CARNMT1: variants seen among roughly 807,000 people sequenced by gnomAD.
The protein encoded by CARNMT1 is protein-L-histidine N-pros-methyltransferase CARNMT1.
Under a neutral mutation model 49.6 loss-of-function variants are expected in CARNMT1, and 28 were observed. The ratio of observed to expected loss-of-function variants is 0.56; its 90% CI spans 0.42 to 0.77. The LOEUF is 0.77. Ranked by LOEUF, CARNMT1 falls within the 30% of genes least tolerant of loss-of-function variation. The pLI is 0.00. For missense variants in CARNMT1, 421 were observed against 512.6 expected (o/e 0.82, Z 1.73); for synonymous variants, 178 against 175.0 (o/e 1.02, Z -0.13).
At chr9:75,014,859 A>C (rs1422587234) in intron 3 of CARNMT1, among the ~76,000 whole-genome samples, 1 of 151,828 alleles carries the variant, frequency 6.6e-6, no homozygotes, top group Non-Finnish European at 1.5e-5. Context: ...AATAAATAAT[A>C]ATCAATAAAA....
chr9:75,007,091 C>G (rs992670810), intron 3 of CARNMT1, among the ~76,000 whole-genome samples: 14 of 152,238 alleles, frequency 9.2e-5, no homozygotes, highest in Non-Finnish European at 1.8e-4. Context: ...TCAATTAAAA[C>G]CTACAGATAT....
At chr9:75,005,498 G>A (rs555057433) in intron 3 of CARNMT1, among the ~76,000 whole-genome samples, 23 of 144,806 alleles carry the variant, frequency 1.6e-4, no homozygotes, top group South Asian at 2.2e-4. Flanking sequence ...TTTTTGAGAC[G>A]GAGTCTCGCT....
At chr9:75,018,200 TAC>T (rs768462115) in intron 1 of CARNMT1, among the ~76,000 whole-genome samples, 50 of 152,092 alleles carry the variant, frequency 3.3e-4, no homozygotes, top group Non-Finnish European at 6.3e-4. Context: ...TAACTGGGAC[TAC>T]AGTCATGTGC....
At chr9:75,002,085 A>T (rs1293688610) in intron 3 of CARNMT1, among the ~76,000 whole-genome samples, 1 of 152,066 alleles carries the variant, frequency 6.6e-6, no homozygotes, top group Admixed American at 6.6e-5. Context: ...TAATAACAGG[A>T]GGAAAAGTTT....
Position 75,028,048 on chromosome 9 carries a change from TGCTCACGC to T in CARNMT1, c.186_193del (p.Arg63LeufsTer6). On this transcript the variant is annotated frameshift_variant, in exon 1 of 8. Coordinates refer to ENST00000376834, the MANE Select transcript of CARNMT1 (RefSeq NM_152420.3). LOFTEE classifies it high-confidence loss of function. ...GAAGGCATTAATGATCTTCCAGAAGTGCTCACGCTCAAGCCTCTCCTCCTCCTCCTCGG... is the reference window on the plus strand; with the variant it reads ...GAAGGCATTAATGATCTTCCAGAAGTTCAAGCCTCTCCTCCTCCTCCTCGG... 1 of 1,578,354 alleles carries T rather than the reference TGCTCACGC, an allele frequency of 6.3e-7. No individual in the cohort carries two copies. The highest frequency in any genetic ancestry group is 8.6e-7 in the Non-Finnish European group (1 of 1,164,788).
chr9:75,003,387 C>T (rs1833417864), intron 3 of CARNMT1, among the ~76,000 whole-genome samples: 1 of 152,256 alleles, frequency 6.6e-6, no homozygotes, highest in African/African-American at 2.4e-5. Flanking sequence ...GCTTGCAGGC[C>T]AGTCACCTGT....
chr9:75,017,934 T>C (rs902713143), intron 1 of CARNMT1, among the ~76,000 whole-genome samples: 4 of 152,052 alleles, frequency 2.6e-5, no homozygotes, highest in African/African-American at 4.8e-5. Context: ...AAATAAAAAA[T>C]TAAAATTCTA....
chr9:74,984,443 TA>T (rs1159910806), intron 7 of CARNMT1, among the ~76,000 whole-genome samples: 2 of 152,128 alleles, frequency 1.3e-5, no homozygotes, highest in African/African-American at 4.8e-5. Context: ...CCCAAATCCT[TA>T]TAATTCTGAA....
At chr9:74,994,204 G>A (rs1833120216) in intron 6 of CARNMT1, among the ~76,000 whole-genome samples, 1 of 152,184 alleles carries the variant, frequency 6.6e-6, no homozygotes, top group Non-Finnish European at 1.5e-5. Context: ...CAAATCAAAG[G>A]AAGAGCCCTC....
rs12555086 is a variant in CARNMT1, at chr9:75,003,400, T to C, written c.591-3530A>G. On this transcript the variant is annotated intron_variant, in intron 3 of 7. Coordinates refer to ENST00000376834, the MANE Select transcript of CARNMT1 (RefSeq NM_152420.3). ...TGGCTTGCAGGCCAGTCACCTGTCA[T>C]TGTAAATGAAGTTTTACTAAAACGC... Among the ~76,000 whole-genome samples, 631 of 152,398 alleles carry C rather than the reference T, an allele frequency of 4.1e-3. 25 individuals are homozygous for C. Among genetic ancestry groups the C allele is most frequent in the Admixed American group, 0.037 (572 of 15,314 alleles).
intron 1 of CARNMT1, among the ~76,000 whole-genome samples, chr9:75,019,503 C>T (rs550577018): frequency 1.3e-5 from 2 of 152,152 alleles, no homozygotes; most frequent in African/African-American, 4.8e-5. Flanking sequence ...TAACTGAGAG[C>T]CTGATAACAT....
At chr9:75,019,491 A>T (rs1163499865) in intron 1 of CARNMT1, among the ~76,000 whole-genome samples, 1 of 152,128 alleles carries the variant, frequency 6.6e-6, no homozygotes, top group Non-Finnish European at 1.5e-5. Context: ...TCCAGGAGAG[A>T]TTAACTGAGA....
chr9:74,983,984 C>A (rs1157171935), intron 7 of CARNMT1, 116 bp from the exon 8 acceptor site: 2 of 549,284 alleles, frequency 3.6e-6, no homozygotes, highest in South Asian at 3.6e-5. Context: ...TCATTTATTA[C>A]ATACAACTAC....
intron 3 of CARNMT1, among the ~76,000 whole-genome samples, chr9:75,013,120 C>T (rs1833750530): frequency 6.6e-6 from 1 of 152,060 alleles, no homozygotes; most frequent in South Asian, 2.1e-4. Context: ...TATACAGGCC[C>T]TATAATTGCA....
chr9:75,010,119 CTTTTTTTTTTTTT>C (rs1187457398), intron 3 of CARNMT1: 49 of 82,276 alleles, frequency 6.0e-4, no homozygotes, highest in African/African-American at 2.0e-3. Flanking sequence ...GGAAGAAATT[CTTTTTTTTTTTTT>C]TTTTTTTTTT....
intron 3 of CARNMT1, 61 bp from the exon 4 acceptor site, chr9:74,999,931 C>G: frequency 6.6e-7 from 1 of 1,505,994 alleles, no homozygotes; most frequent in East Asian, 2.3e-5. Context: ...AAGACAAAAT[C>G]CACATTAACA....
In CARNMT1 at chr9:74,981,919, T is replaced by C. The variant is rs1832702605; in HGVS notation, c.*1848A>G. ...TTAAAACAATAATTTGAGTTTTTTT[T>C]TTCTTCCTTGCCACTAAATTCAAAC... On this transcript the variant is annotated 3_prime_UTR_variant, in exon 8 of 8. Coordinates refer to ENST00000376834, the MANE Select transcript of CARNMT1 (RefSeq NM_152420.3). 6.6e-6 allele frequency: 1 copy of C among 152,000 alleles called. No individual in the cohort carries two copies. The allele number at this position is 152,000 out of a possible 1,614,324, so 9.4% of individuals were successfully genotyped here.
intron 1 of CARNMT1, 96 bp from the exon 2 acceptor site, chr9:75,017,544 T>C: frequency 1.0e-6 from 1 of 964,132 alleles, no homozygotes; most frequent in Non-Finnish European, 1.6e-6. Flanking sequence ...TATTTCCTTA[T>C]TATGCTGGAT....
At chr9:75,012,562 C>T (rs1221188131) in intron 3 of CARNMT1, among the ~76,000 whole-genome samples, 4 of 151,936 alleles carry the variant, frequency 2.6e-5, no homozygotes, top group African/African-American at 4.8e-5. Flanking sequence ...GGATTACAGG[C>T]GTGAGCCACC....
Sources: allele counts gnomAD v4.1 joint callset (sites outside exome capture counted in the v4.1 genomes callset), GRCh38; gene constraint gnomAD v4.1.1; transcripts MANE v1.5; gene names NCBI Gene and HGNC (gene_info 2026-07-23, HGNC 2026-07-21).